The following RBFOX1 variants were observed in gnomAD, a reference collection of about 807,000 sequenced individuals.
RBFOX1 encodes the protein RNA binding protein fox-1 homolog 1.
RBFOX1 carries 8 observed loss-of-function variants against 57.7 expected under a neutral mutation model. The observed-to-expected ratio is 0.14, with a 90% confidence interval of 0.08 to 0.25. The LOEUF (loss-of-function observed/expected upper bound fraction) is 0.25. RBFOX1 is among the 10% of genes least tolerant of loss of function. RBFOX1 has a pLI of 1.00. For synonymous variants in RBFOX1, 326 were observed against 222.4 expected (o/e 1.47, Z -4.15); for missense variants, 611 against 548.5 (o/e 1.11, Z -1.14).
chr16:7,339,591 C>A lies in RBFOX1; in HGVS notation c.28-178556C>A, dbSNP rs368111651. Among the ~76,000 whole-genome samples the A allele has an allele frequency of 1.1e-3, 172 of 152,192 alleles. 1 individual carries two copies. Among genetic ancestry groups the A allele is most frequent in the African/African-American group, 4.0e-3 (166 of 41,532 alleles). On this transcript the variant is annotated intron_variant, in intron 4 of 15. Coordinates refer to ENST00000550418, the MANE Select transcript of RBFOX1 (RefSeq NM_018723.4). ...AGTATCTGGGACCGTGGGCATGCAC[C>A]ACCACAACCAGCTTATTTTTGTATT...
intron 3 of RBFOX1, among the ~76,000 whole-genome samples, chr16:7,036,518 G>T (rs568697686): frequency 6.6e-6 from 1 of 152,016 alleles, no homozygotes; most frequent in East Asian, 1.9e-4. Context: ...AGACCAGCCT[G>T]GGTGTCTGTA....
intron 1 of RBFOX1, among the ~76,000 whole-genome samples, chr16:6,164,469 A>ATTTTT (rs35070328): frequency 7.3e-6 from 1 of 137,648 alleles, no homozygotes; most frequent in Non-Finnish European, 1.5e-5. Flanking sequence ...TGTTATATTG[A>ATTTTT]TTTTTTTTTT....
At chr16:6,558,097 T>C (rs986510278) in intron 2 of RBFOX1, among the ~76,000 whole-genome samples, 1 of 152,204 alleles carries the variant, frequency 6.6e-6, no homozygotes, top group Non-Finnish European at 1.5e-5. Flanking sequence ...TAATATTAAG[T>C]TATTATGTAC....
At chr16:6,564,582 G>A (rs2097231445) in intron 2 of RBFOX1, among the ~76,000 whole-genome samples, 1 of 152,068 alleles carries the variant, frequency 6.6e-6, no homozygotes, top group African/African-American at 2.4e-5. Flanking sequence ...ACTGATATAT[G>A]GAATCTAAAA....
chr16:6,826,547 T>G (rs886431364), intron 3 of RBFOX1, among the ~76,000 whole-genome samples: 1 of 152,142 alleles, frequency 6.6e-6, no homozygotes, highest in East Asian at 1.9e-4. Flanking sequence ...CTTCCGGGCA[T>G]ACGTGCTTGC....
At chr16:6,921,460 C>T (rs1439604452) in intron 3 of RBFOX1, among the ~76,000 whole-genome samples, 1 of 152,096 alleles carries the variant, frequency 6.6e-6, no homozygotes, top group Admixed American at 6.5e-5. Context: ...TTCTTGCTGA[C>T]TGTTGGCCAT....
chr16:7,236,973 A>G (rs950195653), intron 4 of RBFOX1, among the ~76,000 whole-genome samples: 1 of 152,222 alleles, frequency 6.6e-6, no homozygotes, highest in Non-Finnish European at 1.5e-5. Flanking sequence ...TGTAACTAGG[A>G]TAAGCTGGCT....
At chr16:6,797,088 A>T (rs1350297757) in intron 3 of RBFOX1, among the ~76,000 whole-genome samples, 1 of 152,192 alleles carries the variant, frequency 6.6e-6, no homozygotes, top group Non-Finnish European at 1.5e-5. Context: ...ATAGAGTAAC[A>T]CATCGATCCT....
chr16:7,596,499 A>T (rs1465977989), intron 8 of RBFOX1, among the ~76,000 whole-genome samples: 1 of 152,074 alleles, frequency 6.6e-6, no homozygotes, highest in Non-Finnish European at 1.5e-5. Context: ...GTAACTGTAT[A>T]CAAACCCATG....
chr16:6,183,318 A>G (rs753553805), intron 1 of RBFOX1, among the ~76,000 whole-genome samples: 2 of 151,756 alleles, frequency 1.3e-5, no homozygotes, highest in Non-Finnish European at 2.9e-5. Flanking sequence ...GTCTCTACTA[A>G]AAATACAAAA....
At chr16:5,254,607 C>G (rs1299911656) in intron 1 of RBFOX1, among the ~76,000 whole-genome samples, 2 of 152,234 alleles carry the variant, frequency 1.3e-5, no homozygotes, top group East Asian at 1.9e-4. Context: ...AGTTTCTTTT[C>G]TCTGTTCGAG....
chr16:6,976,164 A>T (rs1376157475), intron 3 of RBFOX1, among the ~76,000 whole-genome samples: 1 of 152,052 alleles, frequency 6.6e-6, no homozygotes, highest in African/African-American at 2.4e-5. Flanking sequence ...ACTAGCATTA[A>T]CTGGTGCTTT....
At chr16:5,295,386 G>C (rs1485412493) in intron 1 of RBFOX1, among the ~76,000 whole-genome samples, 5 of 152,192 alleles carry the variant, frequency 3.3e-5, no homozygotes, top group Non-Finnish European at 7.3e-5. Context: ...TGTGGCTTGA[G>C]ACAGCACACA....
chr16:5,958,431 C>G (rs1408397103), intron 4 of RBFOX1, among the ~76,000 whole-genome samples: 2 of 152,172 alleles, frequency 1.3e-5, no homozygotes, highest in Non-Finnish European at 2.9e-5. Context: ...AGTGCATAGT[C>G]TGATGCCAGA....
At chr16:5,317,442 T>C (rs1214815245) in intron 1 of RBFOX1, among the ~76,000 whole-genome samples, 1 of 152,186 alleles carries the variant, frequency 6.6e-6, no homozygotes, top group African/African-American at 2.4e-5. Context: ...ACCCTGTCTC[T>C]ACTAAAAATA....
At chr16:7,309,436 C>T (rs1402836306) in intron 4 of RBFOX1, among the ~76,000 whole-genome samples, 4 of 152,198 alleles carry the variant, frequency 2.6e-5, no homozygotes, top group East Asian at 1.9e-4. Flanking sequence ...CAGACCAAAG[C>T]CTTGTGCCAT....
intron 4 of RBFOX1, among the ~76,000 whole-genome samples, chr16:7,250,679 A>G (rs899928140): frequency 4.6e-5 from 7 of 152,224 alleles, no homozygotes; most frequent in African/African-American, 7.2e-5. Flanking sequence ...GAAGGACGTC[A>G]TACTGAATTT....
intron 2 of RBFOX1, among the ~76,000 whole-genome samples, chr16:6,598,912 C>T (rs1445664330): frequency 6.6e-6 from 1 of 152,110 alleles, no homozygotes; most frequent in African/African-American, 2.4e-5. Context: ...CGCCACTGCA[C>T]TCCAGCCTGT....
intron 2 of RBFOX1, among the ~76,000 whole-genome samples, chr16:6,496,892 G>C (rs1053861702): frequency 1.3e-5 from 2 of 152,084 alleles, no homozygotes; most frequent in Admixed American, 1.3e-4. Context: ...CCCAGGAGGT[G>C]GAGATTGTGG....
Sources: allele counts gnomAD v4.1 joint callset (sites outside exome capture counted in the v4.1 genomes callset), GRCh38; gene constraint gnomAD v4.1.1; transcripts MANE v1.5; gene names NCBI Gene and HGNC (gene_info 2026-07-23, HGNC 2026-07-21).